The following VEGFC variants were observed in gnomAD, a reference collection of about 807,000 sequenced individuals.
VEGFC encodes the protein FLT4 ligand DHM.
In VEGFC, 12 loss-of-function variants were observed where a neutral mutation model predicts 46.1. That is an observed-to-expected ratio of 0.26 (90% confidence interval 0.17 to 0.42). VEGFC has a LOEUF of 0.42. Among genes scored for constraint, VEGFC ranks in the 10% least tolerant of loss-of-function variants. The pLI, the probability that VEGFC is intolerant of heterozygous loss-of-function variation, is 1.00. For missense variants in VEGFC, 488 were observed against 529.4 expected, an observed-to-expected ratio of 0.92 and a Z score of 0.77; for synonymous variants, 232 against 195.5, an observed-to-expected ratio of 1.19 and a Z score of -1.56.
intron 1 of VEGFC, among the ~76,000 whole-genome samples, chr4:176,790,033 G>C (rs1373793908): frequency 6.6e-6 from 1 of 152,144 alleles, no homozygotes; most frequent in African/African-American, 2.4e-5. Context: ...TTCTTCTCTA[G>C]TGCTTAAATC....
At chr4:176,729,793 T>C (rs575180732) in intron 1 of VEGFC, 47 bp from the exon 2 acceptor site, 45 of 1,475,712 alleles carry the variant, frequency 3.0e-5, no homozygotes, top group Non-Finnish European at 3.7e-5. Context: ...CTTAAGGGAT[T>C]TAGAAACAAA....
chr4:176,788,603 G>A (rs773366405), intron 1 of VEGFC, among the ~76,000 whole-genome samples: 24 of 152,220 alleles, frequency 1.6e-4, no homozygotes, highest in Non-Finnish European at 2.9e-4. Flanking sequence ...TTACTCTCAC[G>A]ATCACATGGC....
At chr4:176,747,519 C>T (rs983036295) in intron 1 of VEGFC, among the ~76,000 whole-genome samples, 2 of 152,098 alleles carry the variant, frequency 1.3e-5, no homozygotes, top group South Asian at 2.1e-4. Context: ...CAAGGCTGGG[C>T]GTGGTCCTCA....
At chr4:176,739,637 A>G (rs1428231881) in intron 1 of VEGFC, among the ~76,000 whole-genome samples, 1 of 151,830 alleles carries the variant, frequency 6.6e-6, no homozygotes, top group Admixed American at 6.6e-5. Context: ...AGAATAGTTA[A>G]TGGATGCTGG....
intron 1 of VEGFC, among the ~76,000 whole-genome samples, chr4:176,740,219 A>T (rs1292581435): frequency 8.1e-6 from 1 of 123,862 alleles, no homozygotes; most frequent in Non-Finnish European, 1.6e-5. Flanking sequence ...ATATCTATAT[A>T]TAGAATATAT....
chr4:176,792,041 G>A lies in VEGFC; in HGVS notation c.147+124C>T. The stretch of plus-strand genomic sequence containing the variant: ...TCCAAAGCAGCGTGCACTGAGCTCA[G>A]TAACTTTGGATCCCACGTACACAAG... On this transcript the variant is annotated intron_variant, in intron 1 of 6. Coordinates refer to ENST00000618562, the MANE Select transcript of VEGFC (RefSeq NM_005429.5). This position sits in a 1 kb window ranked among gnomAD's most constrained non-coding sequence, Gnocchi z 6.3. The A allele has an allele frequency of 1.6e-6, 2 of 1,276,598 alleles. No individual in the cohort carries two copies. The highest frequency in any genetic ancestry group is 2.0e-6 in the Non-Finnish European group (2 of 991,524). The allele number at this position is 1,276,598 out of a possible 1,614,324, so 79.1% of individuals were successfully genotyped here.
At chr4:176,723,416 G>A (rs1012487835) in intron 3 of VEGFC, among the ~76,000 whole-genome samples, 3 of 151,186 alleles carry the variant, frequency 2.0e-5, no homozygotes, top group Non-Finnish European at 4.4e-5. Flanking sequence ...AGGTTTGGGG[G>A]TGCATGTGCA....
intron 1 of VEGFC, among the ~76,000 whole-genome samples, chr4:176,760,636 T>C (rs1014498696): frequency 2.6e-5 from 4 of 152,166 alleles, no homozygotes; most frequent in Non-Finnish European, 5.9e-5. Flanking sequence ...CCCTCACATA[T>C]CTATGCCAGA....
At chr4:176,720,534 G>A (rs940485236) in intron 3 of VEGFC, among the ~76,000 whole-genome samples, 3 of 151,984 alleles carry the variant, frequency 2.0e-5, no homozygotes, top group African/African-American at 7.3e-5. Context: ...TTGTTTTCAT[G>A]GAGTCTAGAA....
chr4:176,786,880 A>G (rs879942907), intron 1 of VEGFC, among the ~76,000 whole-genome samples: 13 of 152,146 alleles, frequency 8.5e-5, no homozygotes, highest in Non-Finnish European at 1.6e-4. Flanking sequence ...CCCCAAGGCA[A>G]TAAAGCAATG....
chr4:176,727,909 C>T lies in VEGFC; in HGVS notation c.421G>A (p.Gly141Arg), dbSNP rs1734899099. ...TTTGTCGCGACTCCAAACTCCTTCC[C>T]CACATCTATACACACCTCCCGTGGC... ...CMPREVCIDV[G>R]KEFGVATNTF... The change falls in exon 3 of 7, where the codon GGG becomes AGG. Residue 141 changes from glycine to arginine, a missense_variant. Transcript: ENST00000618562. 2 of 1,613,752 alleles carry T rather than the reference C, an allele frequency of 1.2e-6. No homozygotes were observed. Among genetic ancestry groups the T allele is most frequent in the East Asian group, 4.5e-5 (2 of 44,856 alleles).
At chr4:176,734,114 C>T (rs1735015980) in intron 1 of VEGFC, among the ~76,000 whole-genome samples, 1 of 151,728 alleles carries the variant, frequency 6.6e-6, no homozygotes, top group African/African-American at 2.4e-5. Flanking sequence ...CTTCTAGTCA[C>T]CAGCTAGGTA....
At chr4:176,708,365 T>C (rs74504775) in intron 4 of VEGFC, among the ~76,000 whole-genome samples, 8,838 of 152,108 alleles carry the variant, frequency 0.058, 346 homozygotes, top group Non-Finnish European at 0.091. Context: ...ACTTAAACAT[T>C]TTATTTGTTA....
intron 1 of VEGFC, among the ~76,000 whole-genome samples, chr4:176,736,340 G>C (rs553770430): frequency 2.0e-5 from 3 of 151,676 alleles, no homozygotes; most frequent in Non-Finnish European, 4.4e-5. Flanking sequence ...CTACTTGTCG[G>C]CCTATGCATA....
At chr4:176,764,440 T>G (rs1463858792) in intron 1 of VEGFC, among the ~76,000 whole-genome samples, 1 of 152,196 alleles carries the variant, frequency 6.6e-6, no homozygotes, top group East Asian at 1.9e-4. Context: ...TCCCTGATAC[T>G]TAAGGTTTTC....
At chr4:176,695,398 C>T (rs1436343245) in intron 4 of VEGFC, among the ~76,000 whole-genome samples, 14 of 150,560 alleles carry the variant, frequency 9.3e-5, no homozygotes, top group East Asian at 1.9e-4. Context: ...ATAAATTCCT[C>T]GACACATACA....
chr4:176,763,009 T>C (rs752330637), intron 1 of VEGFC, among the ~76,000 whole-genome samples: 1 of 152,232 alleles, frequency 6.6e-6, no homozygotes, highest in Non-Finnish European at 1.5e-5. Flanking sequence ...GTCTCAACAT[T>C]TGCTCTGGGT....
At chr4:176,763,313 A>G (rs1296140866) in intron 1 of VEGFC, among the ~76,000 whole-genome samples, 2 of 152,202 alleles carry the variant, frequency 1.3e-5, no homozygotes, top group Non-Finnish European at 2.9e-5. Context: ...TTTGGGAGAT[A>G]TTATACAACA....
rs1437739139 is a variant in VEGFC at position 176,792,775 on chromosome 4, G to T, written c.-464C>A. The T allele has an allele frequency of 2.0e-5, 3 of 148,666 alleles. No homozygotes were observed. The highest frequency in any genetic ancestry group is 3.0e-5 in the Non-Finnish European group (2 of 66,634). 9.2% of individuals were successfully genotyped at this position (148,666 alleles called of 1,614,324 possible). On this transcript the variant is annotated 5_prime_UTR_variant, in exon 1 of 7. Coordinates refer to ENST00000618562, the MANE Select transcript of VEGFC (RefSeq NM_005429.5). This position sits in a 1 kb window ranked among gnomAD's most constrained non-coding sequence, Gnocchi z 6.3. The stretch of plus-strand genomic sequence containing the variant: ...GGAGCCGGGCCGCGGGCGCTGCGGC[G>T]GGGGCGCTGGCGGCGGTGCCGGGGG...
Sources: gnomAD v4.1 joint callset for allele counts (sites outside exome capture counted in the v4.1 genomes callset) on GRCh38, gnomAD v4.1.1 for gene constraint, Gnocchi (gnomAD v3.1) non-coding constraint, MANE v1.5 for transcripts, NCBI Gene and HGNC (gene_info 2026-07-23, HGNC 2026-07-21) for gene names.